The following FAM241A variants were observed in gnomAD, a reference collection of about 807,000 sequenced individuals.
FAM241A encodes the protein family with sequence similarity 241 member A.
FAM241A carries 7 observed loss-of-function variants against 12.2 expected under a neutral mutation model. That is an observed-to-expected ratio of 0.58 (90% CI 0.33 to 1.08). The LOEUF (loss-of-function observed/expected upper bound fraction) is 1.08. FAM241A is among the 50% of genes least tolerant of loss of function. The pLI, the probability that FAM241A is intolerant of heterozygous loss-of-function variation, is 0.04. For missense variants in FAM241A, 161 were observed against 169.7 expected (o/e 0.95, Z 0.29); for synonymous variants, 74 against 68.2 (o/e 1.08, Z -0.42).
intron 1 of FAM241A, among the ~76,000 whole-genome samples, chr4:112,167,815 CTAAG>C (rs998267222): frequency 6.6e-6 from 1 of 152,156 alleles, no homozygotes; most frequent in Non-Finnish European, 1.5e-5. Context: ...ACTAAATTGA[CTAAG>C]TAATTTATTT....
chr4:112,171,161 CA>C, intron 1 of FAM241A: 2 of 493,458 alleles, frequency 4.1e-6, no homozygotes, highest in Non-Finnish European at 7.5e-6. Context: ...ACCACAAAAC[CA>C]TTTTAAAATT....
At chr4:112,167,701 A>G (rs1184688315) in intron 1 of FAM241A, among the ~76,000 whole-genome samples, 1 of 152,198 alleles carries the variant, frequency 6.6e-6, no homozygotes, top group Non-Finnish European at 1.5e-5. Flanking sequence ...ATATCTTTAT[A>G]TATTAAGCAG....
intron 1 of FAM241A, among the ~76,000 whole-genome samples, chr4:112,180,321 C>T (rs577291538): frequency 1.3e-5 from 2 of 152,072 alleles, no homozygotes; most frequent in African/African-American, 2.4e-5. Context: ...ACCCTTGTAA[C>T]AAACCTGCAC....
chr4:112,149,564 A>AT, intron 1 of FAM241A, among the ~76,000 whole-genome samples: 1 of 152,342 alleles, frequency 6.6e-6, no homozygotes, highest in South Asian at 2.1e-4. Flanking sequence ...AACTAGGTCA[A>AT]TGAGTCAAAC....
rs113950197 is a variant in FAM241A, at chr4:112,161,290, A to G, written c.153+15557A>G. Among the ~76,000 whole-genome samples the G allele has an allele frequency of 5.4e-3, 828 of 152,354 alleles. 6 individuals are homozygous for G. The highest frequency in any genetic ancestry group is 0.018 in the African/African-American group (765 of 41,586). On this transcript the variant is annotated intron_variant, in intron 1 of 1. Transcript: ENST00000309733. ...AGCAAACATATTCAAAAGCTAGCAG[A>G]AGGCAAGAAATAACTAAGATCAAAG...
At chr4:112,174,925 C>T (rs1345855184) in intron 1 of FAM241A, among the ~76,000 whole-genome samples, 1 of 152,212 alleles carries the variant, frequency 6.6e-6, no homozygotes, top group African/African-American at 2.4e-5. Flanking sequence ...CACTGTCATC[C>T]CTGGCAGTCT....
intron 1 of FAM241A, among the ~76,000 whole-genome samples, chr4:112,186,149 T>TA (rs879646909): frequency 6.3e-4 from 92 of 145,492 alleles, no homozygotes; most frequent in East Asian, 2.5e-3. Context: ...GGCCTTATTG[T>TA]AAAAAAAAAA....
intron 1 of FAM241A, among the ~76,000 whole-genome samples, chr4:112,177,072 C>T (rs1211416918): frequency 6.6e-6 from 1 of 151,924 alleles, no homozygotes; most frequent in Non-Finnish European, 1.5e-5. Context: ...TTTTTTTTCA[C>T]ATTTGAATCT....
intron 1 of FAM241A, among the ~76,000 whole-genome samples, chr4:112,158,797 G>A (rs1317729556): frequency 6.6e-6 from 1 of 151,994 alleles, no homozygotes; most frequent in Non-Finnish European, 1.5e-5. Flanking sequence ...AGTGTATTTA[G>A]GATATCCATC....
In FAM241A at chr4:112,188,191, A is replaced by C. The variant is rs1245694773; in HGVS notation, c.*1253A>C. On this transcript the variant is annotated 3_prime_UTR_variant, in exon 2 of 2. Transcript: ENST00000309733. ...TTACACTTTCATCTCAAAGATTATA[A>C]AGGAAAGGGGGGTAGTTAAGATTTA... 2 of 152,230 alleles carry C rather than the reference A, an allele frequency of 1.3e-5. No individual in the cohort carries two copies. The highest frequency in any genetic ancestry group is 3.9e-4 in the East Asian group (2 of 5,188). The allele number at this position is 152,230 out of a possible 1,614,324, so 9.4% of individuals were successfully genotyped here. A position where few individuals can be genotyped will look rare whatever the true frequency, so the allele number is the denominator to read the frequency against.
chr4:112,167,149 CTAA>C (rs1185427514), intron 1 of FAM241A, among the ~76,000 whole-genome samples: 1 of 151,260 alleles, frequency 6.6e-6, no homozygotes, highest in Non-Finnish European at 1.5e-5. Flanking sequence ...AATAAAAATA[CTAA>C]TAATTTTTTC....
intron 1 of FAM241A, among the ~76,000 whole-genome samples, chr4:112,149,527 C>G (rs1230311130): frequency 1.3e-5 from 2 of 152,088 alleles, no homozygotes; most frequent in Non-Finnish European, 2.9e-5. Flanking sequence ...AAACTTCTAC[C>G]CTGGTATAGA....
intron 1 of FAM241A, among the ~76,000 whole-genome samples, chr4:112,180,669 T>C (rs1046875927): frequency 6.6e-6 from 1 of 152,160 alleles, no homozygotes; most frequent in Non-Finnish European, 1.5e-5. Context: ...TTTTTTTCAC[T>C]GTAGTCAGAG....
At chr4:112,146,396 G>A (rs1464459149) in intron 1 of FAM241A, among the ~76,000 whole-genome samples, 4 of 152,178 alleles carry the variant, frequency 2.6e-5, no homozygotes, top group African/African-American at 7.2e-5. Context: ...GAGAAGTTGC[G>A]TAATTTTTTA....
intron 1 of FAM241A, among the ~76,000 whole-genome samples, chr4:112,154,554 C>T (rs573282390): frequency 6.6e-5 from 10 of 152,284 alleles, no homozygotes; most frequent in Non-Finnish European, 1.5e-4. Flanking sequence ...AGGCATGAGC[C>T]ACCGTGCCCA....
In FAM241A at chr4:112,152,665, A is replaced by G. The variant is rs944621735; in HGVS notation, c.153+6932A>G. The stretch of plus-strand genomic sequence containing the variant: ...TCATGTGTTTTTTCCCTCCCCACGC[A>G]TCTCAACCACTTTCTCTTCTTCTGC... On this transcript the variant is annotated intron_variant, in intron 1 of 1. Coordinates refer to ENST00000309733, the MANE Select transcript of FAM241A (RefSeq NM_152400.3). 3.9e-5 allele frequency among the ~76,000 whole-genome samples: 6 copies of G among 151,994 alleles called. No individual in the cohort carries two copies. The South Asian group carries it at 8.3e-4, about 21-fold the overall frequency.
chr4:112,178,647 A>G (rs1723869111), intron 1 of FAM241A, among the ~76,000 whole-genome samples: 1 of 152,238 alleles, frequency 6.6e-6, no homozygotes. Flanking sequence ...GTGGGACCTA[A>G]TTAAACTAAA....
At chr4:112,148,901 T>G (rs555295320) in intron 1 of FAM241A, among the ~76,000 whole-genome samples, 1 of 152,308 alleles carries the variant, frequency 6.6e-6, no homozygotes, top group South Asian at 2.1e-4. Flanking sequence ...ACTCACAATC[T>G]GAAATAACCT....
At chr4:112,168,452 A>G (rs1017038200) in intron 1 of FAM241A, among the ~76,000 whole-genome samples, 2 of 152,240 alleles carry the variant, frequency 1.3e-5, no homozygotes, top group African/African-American at 4.8e-5. Flanking sequence ...AGTGAAGTAT[A>G]TAAAACAAGA....
Sources: gnomAD v4.1 joint callset for allele counts (sites outside exome capture counted in the v4.1 genomes callset) on GRCh38, gnomAD v4.1.1 for gene constraint, MANE v1.5 for transcripts, NCBI Gene and HGNC (gene_info 2026-07-23, HGNC 2026-07-21) for gene names.